RSU1: variants seen among roughly 807,000 people sequenced by gnomAD.
RSU1 encodes rsu-1.
A neutral mutation model predicts 31.1 loss-of-function variants in RSU1; 26 were observed. The observed-to-expected ratio is 0.84, with a 90% CI of 0.61 to 1.16. The LOEUF (loss-of-function observed/expected upper bound fraction) is 1.16. Among genes scored for constraint, RSU1 ranks in the 50% most tolerant of loss-of-function variants. The probability of loss-of-function intolerance (pLI) is 0.00; values close to 1 mark genes in which losing one functional copy is unlikely to be tolerated. For missense variants in RSU1, 320 were observed against 339.1 expected (o/e 0.94, Z 0.44); for synonymous variants, 164 against 136.3 (o/e 1.20, Z -1.41).
At chr10:16,751,061 T>A (rs1836970128) in intron 7 of RSU1, among the ~76,000 whole-genome samples, 1 of 151,990 alleles carries the variant, frequency 6.6e-6, no homozygotes, top group Admixed American at 6.6e-5. Flanking sequence ...GAGACGGGGT[T>A]TCACCATGTT....
intron 2 of RSU1, among the ~76,000 whole-genome samples, chr10:16,807,535 C>A (rs1838299086): frequency 6.6e-6 from 1 of 152,038 alleles, no homozygotes; most frequent in Non-Finnish European, 1.5e-5. Context: ...CTGATCATTC[C>A]ATTCTATTGA....
At position 16,595,408 on chromosome 10, in the gene RSU1, C is replaced by T. The variant is rs1182059800; in HGVS notation, c.732-1912G>A. Among the ~76,000 whole-genome samples the T allele has an allele frequency of 3.9e-5, 6 of 152,140 alleles. No individual in the cohort carries two copies. The South Asian group carries it at 8.3e-4, about 21-fold the overall frequency. The stretch of plus-strand genomic sequence containing the variant: ...AGGCGGTACAAGCAGGTTCCATCGG[C>T]GGTCACTCTCACGGAGTGTAGAACA... On this transcript the variant is annotated intron_variant, in intron 8 of 8. Coordinates refer to ENST00000345264, the MANE Select transcript of RSU1 (RefSeq NM_012425.4).
chr10:16,697,987 CTTTTTTTTTTTTTTTTT>C (rs67816326), intron 7 of RSU1, among the ~76,000 whole-genome samples: 41,010 of 100,756 alleles, frequency 0.41, 7,363 homozygotes, highest in Middle Eastern at 0.57. Context: ...AGGAACACAC[CTTTTTTTTTTTTTTTTT>C]TTTTTTTTTT....
intron 3 of RSU1, among the ~76,000 whole-genome samples, chr10:16,765,731 C>T (rs1247974027): frequency 1.3e-5 from 2 of 152,132 alleles, no homozygotes; most frequent in Non-Finnish European, 2.9e-5. Context: ...AGAACATGAA[C>T]AGGGGCGTGG....
intron 3 of RSU1, chr10:16,767,373 G>C (rs1460144472): frequency 6.6e-6 from 1 of 152,172 alleles, no homozygotes; most frequent in Non-Finnish European, 1.5e-5. Flanking sequence ...TTGACAGGAT[G>C]AGAGATTATT....
At chr10:16,664,228 C>T (rs1233921396) in intron 8 of RSU1, among the ~76,000 whole-genome samples, 1 of 152,166 alleles carries the variant, frequency 6.6e-6, no homozygotes. Flanking sequence ...TTACAGATCA[C>T]TCCACGGATA....
At chr10:16,766,993 C>T (rs1053103865) in intron 3 of RSU1, among the ~76,000 whole-genome samples, 11 of 151,634 alleles carry the variant, frequency 7.3e-5, no homozygotes, top group Admixed American at 2.6e-4. Flanking sequence ...TACACTCCAG[C>T]CCGGGTGACA....
At chr10:16,664,545 C>T (rs1481868377) in intron 8 of RSU1, among the ~76,000 whole-genome samples, 2 of 152,174 alleles carry the variant, frequency 1.3e-5, no homozygotes, top group African/African-American at 4.8e-5. Flanking sequence ...TCAAAACAGG[C>T]CGAGTACTAG....
At chr10:16,615,947 A>G (rs931966255) in intron 8 of RSU1, among the ~76,000 whole-genome samples, 16 of 152,164 alleles carry the variant, frequency 1.1e-4, no homozygotes, top group African/African-American at 3.9e-4. Flanking sequence ...CAACACCCCA[A>G]CGTTACAAGG....
At chr10:16,721,036 G>A (rs1436153725) in intron 7 of RSU1, among the ~76,000 whole-genome samples, 1 of 152,150 alleles carries the variant, frequency 6.6e-6, no homozygotes. Context: ...TAGAGTATCT[G>A]GTTCTGGTTC....
rs369414750 is a variant in RSU1, at chr10:16,614,813, G to A, written c.732-21317C>T. Among the ~76,000 whole-genome samples, 34 of 152,224 alleles carry A rather than the reference G, an allele frequency of 2.2e-4. No homozygotes were observed. The South Asian group carries it at 2.5e-3, about 11-fold the overall frequency. ...ATGCAGAGCCACCGAGGCAAGAATC[G>A]TGAACAGGTCTGAGCCTCATTTACT... is the stretch of plus-strand genomic sequence containing the variant. On this transcript the variant is annotated intron_variant, in intron 8 of 8. Coordinates refer to ENST00000345264, the MANE Select transcript of RSU1 (RefSeq NM_012425.4).
chr10:16,773,362 C>G (rs1452192873), intron 3 of RSU1, among the ~76,000 whole-genome samples: 1 of 152,094 alleles, frequency 6.6e-6, no homozygotes, highest in East Asian at 1.9e-4. Flanking sequence ...GAAAATCCAC[C>G]AAATCCACAT....
chr10:16,616,890 C>T (rs906936988), intron 8 of RSU1, among the ~76,000 whole-genome samples: 2 of 152,150 alleles, frequency 1.3e-5, no homozygotes, highest in Admixed American at 1.3e-4. Context: ...TTATGACAAA[C>T]TCTAGCCAAT....
chr10:16,803,046 A>C (rs1046846161), intron 2 of RSU1, among the ~76,000 whole-genome samples: 13 of 152,160 alleles, frequency 8.5e-5, no homozygotes, highest in Middle Eastern at 3.2e-3. Context: ...AGGTAAGAAA[A>C]AGCAGCAAAA....
chr10:16,789,646 G>A lies in RSU1; in HGVS notation c.110-7562C>T, dbSNP rs79240947. Among the ~76,000 whole-genome samples, 378 of 152,288 alleles carry A rather than the reference G, an allele frequency of 2.5e-3. 3 individuals are homozygous for A. Among genetic ancestry groups the A allele is most frequent in the African/African-American group, 8.5e-3 (354 of 41,550 alleles). ...AGTACAAAAGCTGCCCCCGTTGAAC[G>A]TGTCGGGAAAATGGGAGCAGGCTGT... On this transcript the variant is annotated intron_variant, in intron 2 of 8. Transcript: ENST00000345264.
chr10:16,694,105 G>A (rs1195151482), intron 8 of RSU1, among the ~76,000 whole-genome samples: 4 of 152,140 alleles, frequency 2.6e-5, no homozygotes, highest in Non-Finnish European at 5.9e-5. Flanking sequence ...GGAAGTGGCA[G>A]AATTCCTTTC....
At chr10:16,688,151 C>G (rs992603666) in intron 8 of RSU1, among the ~76,000 whole-genome samples, 1 of 152,136 alleles carries the variant, frequency 6.6e-6, no homozygotes, top group Non-Finnish European at 1.5e-5. Flanking sequence ...AGAGATGTGA[C>G]ACAATATACC....
At chr10:16,600,442 CAGCTA>C (rs1450555851) in intron 8 of RSU1, among the ~76,000 whole-genome samples, 2 of 152,052 alleles carry the variant, frequency 1.3e-5, no homozygotes, top group Non-Finnish European at 2.9e-5. Flanking sequence ...ACCGCCTGGA[CAGCTA>C]AGATTGCACA....
chr10:16,619,580 G>C (rs937785969), intron 8 of RSU1, among the ~76,000 whole-genome samples: 2 of 152,152 alleles, frequency 1.3e-5, no homozygotes, highest in South Asian at 2.1e-4. Flanking sequence ...GAAGTGCCTC[G>C]TGTGTTTCCT....
Sources: allele counts gnomAD v4.1 joint callset (sites outside exome capture counted in the v4.1 genomes callset), GRCh38; gene constraint gnomAD v4.1.1; transcripts MANE v1.5; gene names NCBI Gene and HGNC (gene_info 2026-07-23, HGNC 2026-07-21).